The following CAPN11 variants were observed in gnomAD, a reference collection of about 807,000 sequenced individuals.
The protein encoded by CAPN11 is calpain 11.
CAPN11 carries 108 observed loss-of-function variants against 105.3 expected under a neutral mutation model. The ratio of observed to expected loss-of-function variants is 1.03; its 90% CI spans 0.88 to 1.20. The LOEUF (loss-of-function observed/expected upper bound fraction) is 1.20, where lower values mean the gene tolerates loss of function less well. CAPN11 is among the 50% of genes most tolerant of loss of function. The probability of loss-of-function intolerance (pLI) is 0.00; values close to 1 mark genes in which losing one functional copy is unlikely to be tolerated. For synonymous variants in CAPN11, 329 were observed against 344.5 expected (o/e 0.96, Z 0.50); for missense variants, 883 against 924.8 (o/e 0.95, Z 0.59).
chr6:44,178,949 CA>C (rs2128311100), intron 12 of CAPN11, among the ~76,000 whole-genome samples: 1 of 152,094 alleles, frequency 6.6e-6, no homozygotes, highest in Non-Finnish European at 1.5e-5. Context: ...TAAAAAAGCT[CA>C]GGAAAGACTA....
chr6:44,179,913 C>T (rs368832791), intron 13 of CAPN11, 39 bp from the exon 14 acceptor site: 1 of 1,516,162 alleles, frequency 6.6e-7, no homozygotes, highest in Admixed American at 1.7e-5. Context: ...TCCCTAACCT[C>T]CCATGCCAGT....
In CAPN11 at chr6:44,177,360, C is replaced by T. The variant is rs370453213; in HGVS notation, c.1356C>T (p.Asn452=). The change falls in exon 12 of 23, where the codon AAC becomes AAT. Residue 452 remains asparagine (N), a synonymous_variant. Transcript: ENST00000398776. ...CTCLVALMQK[N]WRHARQQGAQ... ...GCCTGGTGGCCCTAATGCAGAAGAA[C>T]TGGCGGCATGCACGGCAGCAGGGAG... is the stretch of plus-strand genomic sequence containing the variant. 3.8e-5 allele frequency: 62 copies of T among 1,613,954 alleles called. No individual in the cohort carries two copies. In the African/African-American group the frequency reaches 6.3e-4, roughly 16 times the overall value.
chr6:44,184,257 A>C lies in CAPN11; in HGVS notation c.*325A>C. 2.3e-6 allele frequency: 1 copy of C among 433,330 alleles called. No individual in the cohort carries two copies. Among genetic ancestry groups the C allele is most frequent in the Non-Finnish European group, 4.2e-6 (1 of 237,356 alleles). The allele number at this position is 433,330 out of a possible 1,614,324, so 26.8% of individuals were successfully genotyped here. A position where few individuals can be genotyped will look rare whatever the true frequency, so the allele number is the denominator to read the frequency against. ...GTCCCCCTGGCTGGGGAGGCCAAGA[A>C]TAGGGAAGGGACTTGTAGCCCGTTT... On this transcript the variant is annotated 3_prime_UTR_variant, in exon 23 of 23. Coordinates refer to ENST00000398776, the MANE Select transcript of CAPN11 (RefSeq NM_007058.4).
intron 4 of CAPN11, among the ~76,000 whole-genome samples, chr6:44,170,880 T>C (rs796796614): frequency 1.3e-5 from 2 of 152,276 alleles, no homozygotes; most frequent in African/African-American, 4.8e-5. Context: ...GTTCAAGGGT[T>C]TCTTCCAGAT....
chr6:44,180,589 G>A lies in CAPN11; in HGVS notation c.1681-8G>A. ...GACCAGGTCCCTTTCCTGCTCCCCG[G>A]CCCCCAGGAAAAGGTCTCTGAGGAT... On this transcript the variant is annotated splice_region_variant and splice_polypyrimidine_tract_variant and intron_variant, in intron 15 of 22. Transcript: ENST00000398776. The A allele has an allele frequency of 6.2e-7, 1 of 1,613,662 alleles. No individual in the cohort carries two copies. The highest frequency in any genetic ancestry group is 1.7e-4 in the Middle Eastern group (1 of 6,056).
chr6:44,183,279 G>A (rs779682893), intron 21 of CAPN11, 44 bp downstream of exon 21: 42 of 1,308,974 alleles, frequency 3.2e-5, no homozygotes, highest in Admixed American at 6.7e-5. Flanking sequence ...GCCAGGGGCC[G>A]CGGGCCCTTT....
At chr6:44,168,490 G>C (rs998971502) in intron 2 of CAPN11, among the ~76,000 whole-genome samples, 24 of 151,768 alleles carry the variant, frequency 1.6e-4, no homozygotes, top group African/African-American at 5.6e-4. Flanking sequence ...GGCTGGTCTC[G>C]AACTCCTGAC....
At chr6:44,160,927 T>C (rs148192335) in intron 1 of CAPN11, among the ~76,000 whole-genome samples, 209 of 152,356 alleles carry the variant, frequency 1.4e-3, no homozygotes, top group African/African-American at 4.9e-3. Context: ...CTAAACTTTA[T>C]CATAGGTATG....
chr6:44,177,965 C>T lies in CAPN11; in HGVS notation c.1416+545C>T, dbSNP rs1349439527. ...CCTGACCTCCCAGGCTCAAGCAATC[C>T]TTCCACCTCAGCCTCCTGACTAGCT... is the stretch of plus-strand genomic sequence containing the variant. On this transcript the variant is annotated intron_variant, in intron 12 of 22. Transcript: ENST00000398776. Among the ~76,000 whole-genome samples the T allele has an allele frequency of 3.3e-5, 5 of 152,268 alleles. No individual in the cohort carries two copies. The East Asian group carries it at 9.6e-4, about 29-fold the overall frequency.
chr6:44,169,401 G>A lies in CAPN11; in HGVS notation c.209G>A (p.Arg70Gln), dbSNP rs564283417. 25 of 1,613,938 alleles carry A rather than the reference G, an allele frequency of 1.5e-5. No homozygotes were observed. Among genetic ancestry groups the A allele is most frequent in the Middle Eastern group, 1.6e-4 (1 of 6,062 alleles). ...NFGNQSFEEL[R>Q]AACLRKGELF... The stretch of plus-strand genomic sequence containing the variant: ...GGTAACCAGAGCTTTGAGGAGCTGC[G>A]AGCAGCCTGTCTAAGAAAGGGGGAG... Residue 70 changes from arginine to glutamine, a missense_variant, in exon 3 of 23, where the codon CGA becomes CAA. By Grantham distance (43) the Arg-to-Gln change is conservative. Coordinates refer to ENST00000398776, the MANE Select transcript of CAPN11 (RefSeq NM_007058.4).
chr6:44,161,696 C>T, intron 1 of CAPN11: 1 of 438,368 alleles, frequency 2.3e-6, no homozygotes, highest in South Asian at 1.6e-5. Flanking sequence ...GGAAATGAGA[C>T]AAGGGAGTTA....
rs761237196 is a variant in CAPN11 at position 44,176,895 on chromosome 6, G to A, written c.1134G>A (p.Thr378=). 36 of 1,613,954 alleles carry A rather than the reference G, an allele frequency of 2.2e-5. No individual in the cohort carries two copies. Among genetic ancestry groups the A allele is most frequent in the Admixed American group, 3.3e-5 (2 of 60,020 alleles). ...CGCTCCTGGAGATCTGCAACCTCACGCCTGATACACTCTCTGGGGACTACA... is the reference window on the plus strand; with the variant it reads ...CGCTCCTGGAGATCTGCAACCTCACACCTGATACACTCTCTGGGGACTACA... ...NFTLLEICNL[T]PDTLSGDYKS... The change falls in exon 11 of 23, where the codon ACG becomes ACA. Residue 378 remains threonine (T), a synonymous_variant. Transcript: ENST00000398776.
intron 1 of CAPN11, among the ~76,000 whole-genome samples, chr6:44,163,921 T>C (rs1272606356): frequency 1.3e-5 from 2 of 152,110 alleles, no homozygotes. Context: ...CACTGCAGCT[T>C]CCAATTCCCA....
At position 44,175,881 on chromosome 6, in the gene CAPN11, G is replaced by A. The variant is rs374935820; in HGVS notation, c.832-187G>A. On this transcript the variant is annotated intron_variant, in intron 7 of 22. Transcript: ENST00000398776. ...GGGGGAACCTGAGTATGGGATACAC[G>A]GGATTTCTCTGTATTATTTGTTACA... Among the ~76,000 whole-genome samples the A allele has an allele frequency of 3.3e-5, 5 of 152,220 alleles. 1 individual carries two copies. Among genetic ancestry groups the A allele is most frequent in the East Asian group, 1.9e-4 (1 of 5,186 alleles).
rs367851443 is a variant in CAPN11 at position 44,172,904 on chromosome 6, G to T, written c.529-36G>T. 1.0e-5 allele frequency: 16 copies of T among 1,605,084 alleles called. No homozygotes were observed. The African/African-American group carries it at 1.1e-4, about 11-fold the overall frequency. On this transcript the variant is annotated intron_variant, in intron 5 of 22. Coordinates refer to ENST00000398776, the MANE Select transcript of CAPN11 (RefSeq NM_007058.4). ...CCACTAGGAGGCGCTTGATGATAGG[G>T]TTCCCACGCAAGGGGTGTGTGTTTG...
intron 1 of CAPN11, among the ~76,000 whole-genome samples, chr6:44,159,318 G>A (rs1232675459): frequency 6.6e-6 from 1 of 152,102 alleles, no homozygotes; most frequent in African/African-American, 2.4e-5. Context: ...AGGAAGATGA[G>A]ATCCTCAGGG....
chr6:44,161,950 A>T (rs562022831), intron 1 of CAPN11: 4 of 452,746 alleles, frequency 8.8e-6, no homozygotes, highest in South Asian at 6.2e-5. Flanking sequence ...CTCTCTTGAC[A>T]TTTTGAACTG....
intron 1 of CAPN11, among the ~76,000 whole-genome samples, chr6:44,162,163 G>A (rs146346654): frequency 6.6e-6 from 1 of 152,076 alleles, no homozygotes; most frequent in East Asian, 1.9e-4. Flanking sequence ...CTCTGTGGAG[G>A]CCCTGGCTTC....
intron 1 of CAPN11, chr6:44,161,929 G>A: frequency 2.2e-6 from 1 of 455,568 alleles, no homozygotes; most frequent in Non-Finnish European, 4.4e-6. Flanking sequence ...ACCCAGGTTT[G>A]TCAACCCCAG....
Sources: allele counts gnomAD v4.1 joint callset (sites outside exome capture counted in the v4.1 genomes callset), GRCh38; gene constraint gnomAD v4.1.1; transcripts MANE v1.5; gene names NCBI Gene and HGNC (gene_info 2026-07-23, HGNC 2026-07-21).